CDH18: variants seen among roughly 807,000 people sequenced by gnomAD.
CDH18 encodes the protein cadherin-18.
A neutral mutation model predicts 67.9 loss-of-function variants in CDH18; 31 were observed. The observed-to-expected ratio is 0.46, with a 90% CI of 0.34 to 0.62. The LOEUF (loss-of-function observed/expected upper bound fraction) is 0.62. CDH18 is among the 20% of genes least tolerant of loss of function. The pLI, the probability that CDH18 is intolerant of heterozygous loss-of-function variation, is 0.01. For missense variants in CDH18, 890 were observed against 975.5 expected, an observed-to-expected ratio of 0.91 and a Z score of 1.17; for synonymous variants, 362 against 347.2, an observed-to-expected ratio of 1.04 and a Z score of -0.48.
chr5:20,096,588 T>G (rs1179888731), intron 2 of CDH18, among the ~76,000 whole-genome samples: 2 of 152,140 alleles, frequency 1.3e-5, no homozygotes, highest in East Asian at 3.9e-4. Context: ...TGACAGGCAT[T>G]AAATTTAAAT....
intron 1 of CDH18, among the ~76,000 whole-genome samples, chr5:20,533,679 G>A (rs576960504): frequency 6.6e-6 from 1 of 152,038 alleles, no homozygotes; most frequent in South Asian, 2.1e-4. Context: ...TTTGTAAGTT[G>A]AGTATATCTC....
intron 11 of CDH18, among the ~76,000 whole-genome samples, chr5:19,488,823 C>T (rs1044870222): frequency 5.9e-5 from 9 of 152,176 alleles, no homozygotes; most frequent in East Asian, 3.9e-4. Flanking sequence ...TGCTCTTTAA[C>T]GAAGGTTTAT....
chr5:19,922,359 T>C lies in CDH18; in HGVS notation c.-257+58701A>G, dbSNP rs61439799. The stretch of plus-strand genomic sequence containing the variant: ...AAATTAGCTTGAAATTACTACAAAA[T>C]GGTGCTTTTGAAAACATGATCAAAA... On this transcript the variant is annotated intron_variant, in intron 2 of 12. Transcript: ENST00000382275. Among the ~76,000 whole-genome samples the C allele has an allele frequency of 8.7e-3, 1,322 of 152,294 alleles. 16 individuals are homozygous for C. The highest frequency in any genetic ancestry group is 0.03 in the African/African-American group (1,250 of 41,568).
At chr5:19,574,391 A>G (rs1453226023) in intron 7 of CDH18, among the ~76,000 whole-genome samples, 1 of 152,174 alleles carries the variant, frequency 6.6e-6, no homozygotes, top group Non-Finnish European at 1.5e-5. Flanking sequence ...GAAAAAAATG[A>G]GTAGATTATT....
chr5:20,008,413 T>C (rs1392197178), intron 2 of CDH18, among the ~76,000 whole-genome samples: 1 of 152,100 alleles, frequency 6.6e-6, no homozygotes, highest in Non-Finnish European at 1.5e-5. Context: ...AATCTATAAA[T>C]GTGGAGTGAA....
At chr5:20,092,752 C>A (rs1561783845) in intron 2 of CDH18, among the ~76,000 whole-genome samples, 1 of 152,004 alleles carries the variant, frequency 6.6e-6, no homozygotes, top group African/African-American at 2.4e-5. Flanking sequence ...ATTTTATGGA[C>A]CTCCCAATGC....
intron 2 of CDH18, among the ~76,000 whole-genome samples, chr5:19,880,149 T>G (rs943202584): frequency 1.4e-4 from 22 of 151,940 alleles, no homozygotes; most frequent in Non-Finnish European, 3.1e-4. Context: ...CTATATGTAC[T>G]TCTATCTCTT....
chr5:19,870,584 A>G (rs532023741), intron 2 of CDH18, among the ~76,000 whole-genome samples: 1 of 152,208 alleles, frequency 6.6e-6, no homozygotes, highest in South Asian at 2.1e-4. Context: ...GATTTCTTCA[A>G]CTGGAGCCAC....
intron 2 of CDH18, among the ~76,000 whole-genome samples, chr5:20,132,254 T>C (rs185674579): frequency 4.6e-5 from 7 of 152,314 alleles, no homozygotes; most frequent in African/African-American, 1.7e-4. Flanking sequence ...TCAAAGTTAT[T>C]ATAGCTATCT....
At chr5:19,978,208 T>C (rs961112805) in intron 2 of CDH18, among the ~76,000 whole-genome samples, 1 of 152,130 alleles carries the variant, frequency 6.6e-6, no homozygotes. Flanking sequence ...TAATATATAA[T>C]TACTAGAGAT....
At chr5:20,305,510 G>C in intron 1 of CDH18, 1 of 1,004,828 alleles carries the variant, frequency 1.0e-6, no homozygotes, top group South Asian at 1.3e-5. Flanking sequence ...CGCGAAACCC[G>C]GGGCGCAGCG....
chr5:19,853,467 A>T (rs1783933637), intron 2 of CDH18, among the ~76,000 whole-genome samples: 1 of 152,136 alleles, frequency 6.6e-6, no homozygotes, highest in Non-Finnish European at 1.5e-5. Flanking sequence ...CCATAATGAG[A>T]CGTATTCTTA....
intron 2 of CDH18, among the ~76,000 whole-genome samples, chr5:20,131,976 C>A (rs1292424542): frequency 6.6e-6 from 1 of 152,066 alleles, no homozygotes; most frequent in East Asian, 1.9e-4. Context: ...CGACCTCTAC[C>A]TCCCGGGTTC....
chr5:19,742,602 T>C (rs1403075128), intron 4 of CDH18, among the ~76,000 whole-genome samples: 7 of 152,200 alleles, frequency 4.6e-5, no homozygotes, highest in African/African-American at 7.2e-5. Flanking sequence ...GGTTCCCCTA[T>C]TGGTGCTTAT....
intron 6 of CDH18, among the ~76,000 whole-genome samples, chr5:19,603,572 T>C (rs566163120): frequency 6.6e-6 from 1 of 151,988 alleles, no homozygotes; most frequent in African/African-American, 2.4e-5. Context: ...CAACTAGTAA[T>C]TGAGCTGTTT....
intron 2 of CDH18, among the ~76,000 whole-genome samples, chr5:20,149,421 T>A (rs1317796787): frequency 6.6e-6 from 1 of 152,186 alleles, no homozygotes; most frequent in African/African-American, 2.4e-5. Flanking sequence ...GGTTTTATGA[T>A]TTCTCCTCAT....
At chr5:19,790,647 G>C (rs534348420) in intron 3 of CDH18, among the ~76,000 whole-genome samples, 1 of 152,204 alleles carries the variant, frequency 6.6e-6, no homozygotes, top group South Asian at 2.1e-4. Flanking sequence ...GTTTAATCTA[G>C]ATGCACTTGG....
At chr5:20,404,546 G>A (rs1746057776) in intron 1 of CDH18, among the ~76,000 whole-genome samples, 1 of 152,078 alleles carries the variant, frequency 6.6e-6, no homozygotes, top group African/African-American at 2.4e-5. Context: ...TGATGAGAGG[G>A]AGAGAGATAG....
At chr5:20,575,235 T>C (rs1222306844) in intron 1 of CDH18, among the ~76,000 whole-genome samples, 2 of 151,886 alleles carry the variant, frequency 1.3e-5, no homozygotes, top group Non-Finnish European at 2.9e-5. Context: ...TACAATGTAG[T>C]GACCTTATTT....
Sources: gnomAD v4.1 joint callset for allele counts (sites outside exome capture counted in the v4.1 genomes callset) on GRCh38, gnomAD v4.1.1 for gene constraint, MANE v1.5 for transcripts, NCBI Gene and HGNC (gene_info 2026-07-23, HGNC 2026-07-21) for gene names.